Variants in FAM204A observed in about 807,000 individuals in gnomAD.
FAM204A encodes family with sequence similarity 204 member A.
A neutral mutation model predicts 35.4 loss-of-function variants in FAM204A; 16 were observed. The ratio of observed to expected loss-of-function variants is 0.45; its 90% confidence interval spans 0.31 to 0.69. The LOEUF is 0.69. Ranked by LOEUF, FAM204A falls within the 30% of genes least tolerant of loss-of-function variation. The pLI, the probability that FAM204A is intolerant of heterozygous loss-of-function variation, is 0.07. For missense variants in FAM204A, 240 were observed against 265.7 expected, an observed-to-expected ratio of 0.90 and a Z score of 0.67; for synonymous variants, 76 against 86.9, an observed-to-expected ratio of 0.88 and a Z score of 0.70.
At position 118,341,893 on chromosome 10, in the gene FAM204A, G is replaced by A. The variant is rs1477263376; in HGVS notation, c.-175C>T. ...CTAAGCGCTGCACATTCCGGCGAAG[G>A]ATGTCTAGCCTGCTGGCAGTCCCAT... On this transcript the variant is annotated 5_prime_UTR_variant, in exon 2 of 9. Coordinates refer to ENST00000369183, the MANE Select transcript of FAM204A (RefSeq NM_022063.3). 3 of 152,266 alleles carry A rather than the reference G, an allele frequency of 2.0e-5. No homozygotes were observed. Among genetic ancestry groups the A allele is most frequent in the African/African-American group, 7.2e-5 (3 of 41,462 alleles). The allele number at this position is 152,266 out of a possible 1,614,324, so 9.4% of individuals were successfully genotyped here. A position where few individuals can be genotyped will look rare whatever the true frequency, so the allele number is the denominator to read the frequency against.
chr10:118,332,399 G>A (rs1483908364), intron 6 of FAM204A, among the ~76,000 whole-genome samples: 1 of 151,578 alleles, frequency 6.6e-6, no homozygotes, highest in African/African-American at 2.4e-5. Flanking sequence ...AAGAGGCAAT[G>A]GTTTACAACT....
Position 118,311,329 on chromosome 10 carries a change from G to T in FAM204A, c.544-16C>A. 1.5e-6 allele frequency: 2 copies of T among 1,304,382 alleles called. No homozygotes were observed. The highest frequency in any genetic ancestry group is 2.0e-6 in the Non-Finnish European group (2 of 989,700). The allele number at this position is 1,304,382 out of a possible 1,614,324, so 80.8% of individuals were successfully genotyped here. A position where few individuals can be genotyped will look rare whatever the true frequency, so the allele number is the denominator to read the frequency against. ...TTACACCAAGCTAAGAATTACAAAGGAGAAAAAAAAAGTGAAAATAAATAT... is the reference window on the plus strand; with the variant it reads ...TTACACCAAGCTAAGAATTACAAAGTAGAAAAAAAAAGTGAAAATAAATAT... On this transcript the variant is annotated splice_polypyrimidine_tract_variant and intron_variant, in intron 7 of 8. Coordinates refer to ENST00000369183, the MANE Select transcript of FAM204A (RefSeq NM_022063.3).
intron 7 of FAM204A, among the ~76,000 whole-genome samples, chr10:118,315,804 T>C (rs1846021858): frequency 6.6e-6 from 1 of 152,080 alleles, no homozygotes; most frequent in Non-Finnish European, 1.5e-5. Context: ...AGTATGAAAA[T>C]GAGATTCTGG....
At chr10:118,322,456 G>C (rs1336997435) in intron 7 of FAM204A, 1 of 448,300 alleles carries the variant, frequency 2.2e-6, no homozygotes, top group Non-Finnish European at 4.5e-6. Flanking sequence ...GGAAACAGCA[G>C]ACAAATCAAA....
At chr10:118,337,448 TTCTC>T (rs1327650521) in intron 2 of FAM204A, among the ~76,000 whole-genome samples, 2 of 152,216 alleles carry the variant, frequency 1.3e-5, no homozygotes, top group Non-Finnish European at 2.9e-5. Context: ...GAAACCACCA[TTCTC>T]TCTGAGACAA....
intron 6 of FAM204A, among the ~76,000 whole-genome samples, chr10:118,328,744 G>C (rs1261716940): frequency 1.3e-5 from 2 of 152,058 alleles, no homozygotes; most frequent in African/African-American, 4.8e-5. Context: ...GCCTGCCTCG[G>C]CCTCCCAAAG....
At chr10:118,326,501 T>A (rs1490464294) in intron 6 of FAM204A, among the ~76,000 whole-genome samples, 1 of 152,232 alleles carries the variant, frequency 6.6e-6, no homozygotes. Context: ...AAGCCTATGC[T>A]TTCCCTTAAT....
At chr10:118,315,193 C>A (rs1846012074) in intron 7 of FAM204A, among the ~76,000 whole-genome samples, 1 of 152,016 alleles carries the variant, frequency 6.6e-6, no homozygotes, top group African/African-American at 2.4e-5. Context: ...GTGTGTAAAT[C>A]ATATTGGGTT....
chr10:118,340,102 G>T (rs722525), intron 2 of FAM204A, among the ~76,000 whole-genome samples: 31,431 of 152,056 alleles, frequency 0.21, 3,591 homozygotes, highest in East Asian at 0.34. Flanking sequence ...CAGTAAGACT[G>T]TACCATTCAT....
At chr10:118,335,357 A>T (rs1307299436) in intron 5 of FAM204A, 39 bp downstream of exon 5, 1 of 1,573,880 alleles carries the variant, frequency 6.4e-7, no homozygotes, top group East Asian at 2.3e-5. Context: ...CAATTTCTAC[A>T]ATGGCCTAAA....
chr10:118,327,917 C>A (rs1466589333), intron 6 of FAM204A, among the ~76,000 whole-genome samples: 1 of 152,166 alleles, frequency 6.6e-6, no homozygotes, highest in African/African-American at 2.4e-5. Context: ...GGGCTATAAT[C>A]ACACCACTGC....
intron 7 of FAM204A, among the ~76,000 whole-genome samples, chr10:118,319,924 G>T (rs1401572995): frequency 2.0e-5 from 3 of 151,852 alleles, no homozygotes; most frequent in African/African-American, 7.2e-5. Flanking sequence ...ACAGAAAAAG[G>T]ATAATCTTTA....
At chr10:118,313,479 G>A (rs1244557661) in intron 7 of FAM204A, among the ~76,000 whole-genome samples, 1 of 152,124 alleles carries the variant, frequency 6.6e-6, no homozygotes, top group Non-Finnish European at 1.5e-5. Context: ...GAAATGTGGA[G>A]GTACAGCAGG....
chr10:118,298,151 T>C lies in FAM204A; in HGVS notation c.*12706A>G, dbSNP rs1845769326. ...TGTGTGGGAGTGAGAGAGCTAACGT[T>C]ACGTGTGGCTTTAAATTTTTGAGCC... On this transcript the variant is annotated 3_prime_UTR_variant, in exon 9 of 9. Coordinates refer to ENST00000369183, the MANE Select transcript of FAM204A (RefSeq NM_022063.3). 6.6e-6 allele frequency: 1 copy of C among 152,228 alleles called. No individual in the cohort carries two copies. Among genetic ancestry groups the C allele is most frequent in the South Asian group, 2.1e-4 (1 of 4,830 alleles). 9.4% of individuals were successfully genotyped at this position (152,228 alleles called of 1,614,324 possible). A position where few individuals can be genotyped will look rare whatever the true frequency, so the allele number is the denominator to read the frequency against.
intron 3 of FAM204A, chr10:118,335,952 T>C (rs1846376917): frequency 1.6e-5 from 9 of 555,532 alleles, no homozygotes; most frequent in Non-Finnish European, 2.5e-5. Context: ...TAATACTACA[T>C]AGTGGTTTGG....
intron 2 of FAM204A, among the ~76,000 whole-genome samples, chr10:118,341,389 TAATC>T (rs1023842027): frequency 5.3e-5 from 8 of 152,202 alleles, no homozygotes; most frequent in African/African-American, 1.9e-4. Flanking sequence ...ATTTACATCA[TAATC>T]AGAGTCTGTG....
In FAM204A at chr10:118,309,865, T is replaced by C. The variant is rs1482763149; in HGVS notation, c.*992A>G. On this transcript the variant is annotated 3_prime_UTR_variant, in exon 9 of 9. Transcript: ENST00000369183. ...TAAAGAATGACATGGCTGAGAAAAA[T>C]ACTTAGGAAGACATTTTTAGGCGTT... 6.6e-6 allele frequency: 1 copy of C among 152,156 alleles called. No homozygotes were observed. Among genetic ancestry groups the C allele is most frequent in the Non-Finnish European group, 1.5e-5 (1 of 68,024 alleles). 9.4% of individuals were successfully genotyped at this position (152,156 alleles called of 1,614,324 possible). A position where few individuals can be genotyped will look rare whatever the true frequency, so the allele number is the denominator to read the frequency against.
chr10:118,320,256 A>AATTTATTAAATAAAATAAAAACTTT (rs1238741607), intron 7 of FAM204A, among the ~76,000 whole-genome samples: 49 of 150,060 alleles, frequency 3.3e-4, no homozygotes, highest in South Asian at 6.3e-4. Flanking sequence ...ATAAAAAATT[A>AATTTATTAAATAAAATAAAAACTTT]ATTTATTAAA....
rs575440930 is a variant in FAM204A, at chr10:118,336,416, C to T, written c.-1G>A. 6.2e-7 allele frequency: 1 copy of T among 1,604,806 alleles called. No individual in the cohort carries two copies. Among genetic ancestry groups the T allele is most frequent in the South Asian group, 1.1e-5 (1 of 89,600 alleles). ...CAGGAGGTAGCAGCCCACTCCACAT[C>T]TTTTCTTCTATGAGGAAAAAGATTA... On this transcript the variant is annotated 5_prime_UTR_variant, in exon 3 of 9. Transcript: ENST00000369183.
Sources: gnomAD v4.1 joint callset for allele counts (sites outside exome capture counted in the v4.1 genomes callset) on GRCh38, gnomAD v4.1.1 for gene constraint, MANE v1.5 for transcripts, NCBI Gene and HGNC (gene_info 2026-07-23, HGNC 2026-07-21) for gene names.